RIMS2: variants seen among roughly 807,000 people sequenced by gnomAD.
RIMS2 encodes the protein regulating synaptic membrane exocytosis 2, also known as regulating synaptic membrane exocytosis protein 2.
RIMS2 carries 59 observed loss-of-function variants against 174.4 expected under a neutral mutation model. The ratio of observed to expected loss-of-function variants is 0.34; its 90% confidence interval spans 0.27 to 0.42. The LOEUF is 0.42. Ranked by LOEUF, RIMS2 falls within the 10% of genes least tolerant of loss-of-function variation. The probability of loss-of-function intolerance (pLI) is 1.00; values close to 1 mark genes in which losing one functional copy is unlikely to be tolerated. For missense variants in RIMS2, 1,620 were observed against 1,666.3 expected (o/e 0.97, Z 0.48); for synonymous variants, 606 against 572.5 (o/e 1.06, Z -0.84).
chr8:103,890,690 G>A (rs1291799971), intron 4 of RIMS2, among the ~76,000 whole-genome samples: 1 of 151,668 alleles, frequency 6.6e-6, no homozygotes, highest in Non-Finnish European at 1.5e-5. Flanking sequence ...CGTTTTTTGT[G>A]TGTTTGTTTT....
chr8:103,930,487 A>G (rs1055058606), intron 11 of RIMS2, among the ~76,000 whole-genome samples: 2 of 152,080 alleles, frequency 1.3e-5, no homozygotes, highest in African/African-American at 4.8e-5. Context: ...TCAGACAGCT[A>G]GGTGTGCAGG....
intron 1 of RIMS2, among the ~76,000 whole-genome samples, chr8:103,633,003 G>C (rs994363849): frequency 6.6e-6 from 1 of 150,766 alleles, no homozygotes; most frequent in African/African-American, 2.4e-5. Context: ...AAAGTGCTAG[G>C]ATTACAGGTG....
At chr8:103,820,512 C>T (rs987753587) in intron 3 of RIMS2, among the ~76,000 whole-genome samples, 6 of 151,818 alleles carry the variant, frequency 4.0e-5, no homozygotes, top group African/African-American at 1.4e-4. Context: ...CTTGTCTCTT[C>T]TTCTTAGTAT....
At chr8:103,748,920 C>T (rs538871485) in intron 2 of RIMS2, among the ~76,000 whole-genome samples, 7 of 151,972 alleles carry the variant, frequency 4.6e-5, no homozygotes, top group Non-Finnish European at 1.0e-4. Flanking sequence ...CCTGCCTCAG[C>T]CTCCTGAGTA....
intron 19 of RIMS2, among the ~76,000 whole-genome samples, chr8:104,121,149 T>G (rs2098367730): frequency 6.6e-6 from 1 of 152,190 alleles, no homozygotes; most frequent in Admixed American, 6.6e-5. Flanking sequence ...GTGGAGGACA[T>G]GGACATTTAA....
At chr8:103,545,521 G>A (rs1262510011) in intron 1 of RIMS2, among the ~76,000 whole-genome samples, 2 of 152,168 alleles carry the variant, frequency 1.3e-5, no homozygotes, top group Non-Finnish European at 2.9e-5. Context: ...AGGAAATGTA[G>A]AGAATCCCTG....
intron 19 of RIMS2, among the ~76,000 whole-genome samples, chr8:104,160,045 G>A (rs937749408): frequency 9.9e-5 from 15 of 151,886 alleles, no homozygotes; most frequent in East Asian, 3.9e-4. Context: ...AGGCTGAGGC[G>A]GGAGGATTAC....
intron 19 of RIMS2, among the ~76,000 whole-genome samples, chr8:104,101,333 C>G (rs2097895996): frequency 6.6e-6 from 1 of 151,794 alleles, no homozygotes; most frequent in Admixed American, 6.6e-5. Flanking sequence ...TGCCATGTTG[C>G]CCAGGGGCTG....
chr8:104,216,758 C>T (rs1014439974), intron 19 of RIMS2, among the ~76,000 whole-genome samples: 1 of 152,202 alleles, frequency 6.6e-6, no homozygotes, highest in African/African-American at 2.4e-5. Context: ...TATTCCACTA[C>T]AGCGTGAGCT....
chr8:104,006,645 T>G (rs1368337565), intron 17 of RIMS2, among the ~76,000 whole-genome samples: 3 of 146,288 alleles, frequency 2.1e-5, no homozygotes, highest in Non-Finnish European at 3.1e-5. Context: ...TCTCTCTCTC[T>G]CTCTCTCTCT....
In RIMS2 at chr8:104,145,545, G is replaced by T. The variant is rs545491690; in HGVS notation, c.3335-99371G>T. Reference sequence around the variant, plus strand: ...ACTTTAAAAATTTTGGTAGCTTGTGGCTGAGCGTGGTGGCTCACACCTGTA... The same window carrying T: ...ACTTTAAAAATTTTGGTAGCTTGTGTCTGAGCGTGGTGGCTCACACCTGTA... On this transcript the variant is annotated intron_variant, in intron 19 of 23. Transcript: ENST00000504942. Among the ~76,000 whole-genome samples the T allele has an allele frequency of 2.0e-5, 3 of 151,826 alleles. No individual in the cohort carries two copies. In the East Asian group the frequency reaches 5.8e-4, roughly 29 times the overall value.
At chr8:103,561,175 G>A (rs1263601549) in intron 1 of RIMS2, among the ~76,000 whole-genome samples, 2 of 152,044 alleles carry the variant, frequency 1.3e-5, no homozygotes, top group Admixed American at 6.5e-5. Flanking sequence ...TATATCTTAA[G>A]AGATTATCTT....
chr8:103,718,247 G>A (rs1413246604), intron 2 of RIMS2, among the ~76,000 whole-genome samples: 1 of 152,160 alleles, frequency 6.6e-6, no homozygotes, highest in Non-Finnish European at 1.5e-5. Flanking sequence ...TCAATCAGGG[G>A]CAGCTAGATA....
chr8:103,874,698 A>G (rs1356483828), intron 3 of RIMS2, among the ~76,000 whole-genome samples: 1 of 152,132 alleles, frequency 6.6e-6, no homozygotes, highest in Non-Finnish European at 1.5e-5. Context: ...AAACATATCC[A>G]CATTTAAAAG....
chr8:104,181,463 G>A (rs140189637), intron 19 of RIMS2, among the ~76,000 whole-genome samples: 5 of 151,662 alleles, frequency 3.3e-5, no homozygotes, highest in East Asian at 3.9e-4. Context: ...TCTTTAATCT[G>A]AGCCGTCAAC....
chr8:103,601,530 A>T (rs555123241), intron 1 of RIMS2, among the ~76,000 whole-genome samples: 80 of 151,504 alleles, frequency 5.3e-4, no homozygotes, highest in African/African-American at 1.9e-3. Flanking sequence ...ATCTTTTTTC[A>T]TCCCTTTATT....
chr8:103,719,621 G>A (rs1384501176), intron 2 of RIMS2, among the ~76,000 whole-genome samples: 1 of 152,056 alleles, frequency 6.6e-6, no homozygotes, highest in African/African-American at 2.4e-5. Context: ...TTTTTCCTCA[G>A]TTATGAATTT....
chr8:103,951,010 G>T (rs538670946), intron 14 of RIMS2, among the ~76,000 whole-genome samples: 2 of 152,268 alleles, frequency 1.3e-5, no homozygotes, highest in East Asian at 3.9e-4. Context: ...ACATCAAAAA[G>T]TCAATTCACC....
At chr8:104,076,442 TAAGTAA>T (rs1566208557) in intron 19 of RIMS2, among the ~76,000 whole-genome samples, 1 of 152,140 alleles carries the variant, frequency 6.6e-6, no homozygotes, top group Non-Finnish European at 1.5e-5. Flanking sequence ...CTTTATGAGA[TAAGTAA>T]AAGAAGGGGT....
Sources: allele counts gnomAD v4.1 joint callset (sites outside exome capture counted in the v4.1 genomes callset), GRCh38; gene constraint gnomAD v4.1.1; transcripts MANE v1.5; gene names NCBI Gene and HGNC (gene_info 2026-07-23, HGNC 2026-07-21).